APPL1: variants seen among roughly 807,000 people sequenced by gnomAD.
APPL1 encodes DCC-interacting protein 13-alpha.
In APPL1, 42 loss-of-function variants were observed where a neutral mutation model predicts 106.8. That is an observed-to-expected ratio of 0.39 (90% CI 0.31 to 0.51). The LOEUF is 0.51. Among genes scored for constraint, APPL1 ranks in the 20% least tolerant of loss-of-function variants. The probability of loss-of-function intolerance (pLI) is 0.75; values close to 1 mark genes in which losing one functional copy is unlikely to be tolerated. For missense variants in APPL1, 769 were observed against 858.2 expected (o/e 0.90, Z 1.30); for synonymous variants, 263 against 281.8 (o/e 0.93, Z 0.67).
Position 57,270,961 on chromosome 3 carries a change from GTAATCACTTT to G in APPL1, c.*1278_*1287del, listed in dbSNP as rs1429820198. 2 of 151,828 alleles carry G rather than the reference GTAATCACTTT, an allele frequency of 1.3e-5. No homozygotes were observed. Among genetic ancestry groups the G allele is most frequent in the African/African-American group, 4.8e-5 (2 of 41,318 alleles). 9.4% of individuals were successfully genotyped at this position (151,828 alleles called of 1,614,324 possible). On this transcript the variant is annotated 3_prime_UTR_variant, in exon 22 of 22. Coordinates refer to ENST00000288266, the MANE Select transcript of APPL1 (RefSeq NM_012096.3). Reference sequence around the variant, plus strand: ...TATGTTAAACCTTAATTTTTTTTCTGTAATCACTTTTAACACTGCTAATAGAAATTATGTT... The same window carrying G: ...TATGTTAAACCTTAATTTTTTTTCTGTAACACTGCTAATAGAAATTATGTT...
chr3:57,244,824 A>G (rs879877152), intron 7 of APPL1, among the ~76,000 whole-genome samples: 3 of 152,214 alleles, frequency 2.0e-5, no homozygotes, highest in Non-Finnish European at 4.4e-5. Flanking sequence ...AGTGAAAGGA[A>G]TTGGAATAGT....
At chr3:57,253,816 A>G (rs1285206501) in intron 13 of APPL1, 78 bp downstream of exon 13, 1 of 1,208,052 alleles carries the variant, frequency 8.3e-7, no homozygotes, top group African/African-American at 1.6e-5. Context: ...ATTAATTCAT[A>G]ATTTCTCAGG....
At chr3:57,230,037 G>A (rs1189555317) in intron 1 of APPL1, among the ~76,000 whole-genome samples, 15 of 152,140 alleles carry the variant, frequency 9.9e-5, no homozygotes, top group Admixed American at 9.2e-4. Flanking sequence ...TTTTAATGAA[G>A]TAGACACATT....
intron 20 of APPL1, 55 bp from the exon 21 acceptor site, chr3:57,268,343 A>C: frequency 6.9e-7 from 1 of 1,444,510 alleles, no homozygotes; most frequent in Non-Finnish European, 9.3e-7. Flanking sequence ...TGAAATGTCT[A>C]AAATTTAAAG....
At chr3:57,259,200 A>G in intron 16 of APPL1, 120 bp downstream of exon 16, 3 of 767,446 alleles carry the variant, frequency 3.9e-6, no homozygotes, top group Non-Finnish European at 4.1e-6. Context: ...TTACTTCAGA[A>G]TTTCCTCTAC....
chr3:57,266,713 T>C (rs911270566), intron 19 of APPL1, among the ~76,000 whole-genome samples: 1 of 152,218 alleles, frequency 6.6e-6, no homozygotes, highest in African/African-American at 2.4e-5. Context: ...TGTAGTATTT[T>C]TATAGTTTTG....
chr3:57,231,011 C>T (rs2060683830), intron 1 of APPL1, among the ~76,000 whole-genome samples: 1 of 151,058 alleles, frequency 6.6e-6, no homozygotes, highest in Non-Finnish European at 1.5e-5. Flanking sequence ...GATTCTGCTT[C>T]CTCAGCCTCC....
At chr3:57,238,645 C>T (rs1486697338) in intron 4 of APPL1, among the ~76,000 whole-genome samples, 1 of 152,134 alleles carries the variant, frequency 6.6e-6, no homozygotes, top group East Asian at 1.9e-4. Flanking sequence ...TCACATGGAC[C>T]ATTCGATAGT....
intron 19 of APPL1, among the ~76,000 whole-genome samples, chr3:57,267,085 A>G (rs2060898428): frequency 6.6e-6 from 1 of 152,216 alleles, no homozygotes; most frequent in Admixed American, 6.5e-5. Flanking sequence ...CATTGAACCT[A>G]TAGATTGCTT....
At chr3:57,266,768 G>T (rs1217821347) in intron 19 of APPL1, among the ~76,000 whole-genome samples, 1 of 152,094 alleles carries the variant, frequency 6.6e-6, no homozygotes, top group Non-Finnish European at 1.5e-5. Flanking sequence ...TGATTTTTGT[G>T]TATGGTGAGA....
chr3:57,254,759 G>A (rs1013431740), intron 13 of APPL1, among the ~76,000 whole-genome samples: 4 of 152,114 alleles, frequency 2.6e-5, no homozygotes, highest in Non-Finnish European at 5.9e-5. Flanking sequence ...TGAGTGGCTG[G>A]GACTACAGGC....
Position 57,248,192 on chromosome 3 carries a change from G to T in APPL1, c.705-1G>T, listed in dbSNP as rs780943553. Reference sequence around the variant, plus strand: ...GTAGCAAATAATCTGTTCTGTGTCAGTGTTCGCAGGGAAATGGACAGTGAT... The same window carrying T: ...GTAGCAAATAATCTGTTCTGTGTCATTGTTCGCAGGGAAATGGACAGTGAT... On this transcript the variant is annotated splice_acceptor_variant, in intron 9 of 21. Transcript: ENST00000288266. LOFTEE classifies it high-confidence loss of function. 3 of 1,611,768 alleles carry T rather than the reference G, an allele frequency of 1.9e-6. No homozygotes were observed. Among genetic ancestry groups the T allele is most frequent in the Non-Finnish European group, 2.5e-6 (3 of 1,178,774 alleles).
rs2060883997 is a variant in APPL1 at position 57,264,528 on chromosome 3, G to A, written c.1843-3214G>A. Among the ~76,000 whole-genome samples, 4 of 149,384 alleles carry A rather than the reference G, an allele frequency of 2.7e-5. No homozygotes were observed. The South Asian group carries it at 8.4e-4, about 31-fold the overall frequency. Reference sequence around the variant, plus strand: ...TCATAGTTCAAGGTCTTAGATTTAAGGCTTTAATCCATTTTAATTATATTT... The same window carrying A: ...TCATAGTTCAAGGTCTTAGATTTAAAGCTTTAATCCATTTTAATTATATTT... On this transcript the variant is annotated intron_variant, in intron 19 of 21. Transcript: ENST00000288266.
In APPL1 at chr3:57,249,634, A is replaced by G. The variant is rs1579391399; in HGVS notation, c.1052+86A>G. 7.1e-6 allele frequency: 9 copies of G among 1,269,516 alleles called. No homozygotes were observed. In the East Asian group the frequency reaches 2.4e-4, roughly 34 times the overall value. 78.6% of individuals were successfully genotyped at this position (1,269,516 alleles called of 1,614,324 possible). ...TAATTCCTTTTTGTTTAGAAATTTT[A>G]TGGACATTTTAGGTTCATTATGTAT... is the stretch of plus-strand genomic sequence containing the variant. On this transcript the variant is annotated intron_variant, in intron 11 of 21. Transcript: ENST00000288266.
At chr3:57,258,967 TTTC>T (rs2060851174) in intron 15 of APPL1, 58 bp from the exon 16 acceptor site, 1 of 1,265,936 alleles carries the variant, frequency 7.9e-7, no homozygotes, top group Non-Finnish European at 1.1e-6. Flanking sequence ...AATAATTAGA[TTTC>T]TTCTATGTGG....
chr3:57,243,100 TC>T (rs1403594880), intron 7 of APPL1, among the ~76,000 whole-genome samples, 186 bp downstream of exon 7: 2 of 152,320 alleles, frequency 1.3e-5, no homozygotes, highest in Admixed American at 1.3e-4. Flanking sequence ...CAAAATATTT[TC>T]TTCTGCCAAA....
At position 57,257,393 on chromosome 3, in the gene APPL1, G is replaced by A; in HGVS notation, c.1395G>A (p.Gln465=). 6.2e-7 allele frequency: 1 copy of A among 1,613,838 alleles called. No homozygotes were observed. Residue 465 remains glutamine, a synonymous_variant, in exon 15 of 22, where the codon CAG becomes CAA. Transcript: ENST00000288266. ...FDIISPVCED[Q]PGQAKAFGQG... is the part of the protein sequence containing the mutation. ...TAATTTCTCCTGTGTGTGAAGATCA[G>A]CCTGGCCAGGCAAAAGCCTTTGGCC...
rs2060722963 is a variant in APPL1, at chr3:57,237,523, C to G, written c.185C>G (p.Ser62Ter). 1 of 1,601,936 alleles carries G rather than the reference C, an allele frequency of 6.2e-7. No homozygotes were observed. Among genetic ancestry groups the G allele is most frequent in the Admixed American group, 1.7e-5 (1 of 58,880 alleles). ...TTAAGTGCAGCAACACACCTGACCT[C>G]AAAACTTTTAAAAGAATATGAAAAA... ...NELSAATHLT[S>*]KLLKEYEKQR... Residue 62 changes from serine (S) to a stop codon, truncating the protein, a stop_gained, in exon 3 of 22, where the codon TCA becomes TGA. Transcript: ENST00000288266. LOFTEE classifies it high-confidence loss of function.
intron 21 of APPL1, 26 bp from the exon 22 acceptor site, chr3:57,269,515 A>G: frequency 6.2e-7 from 1 of 1,609,556 alleles, no homozygotes; most frequent in Non-Finnish European, 8.5e-7. Flanking sequence ...CAAGTAACTT[A>G]GTTTCTTTTT....
Sources: allele counts gnomAD v4.1 joint callset (sites outside exome capture counted in the v4.1 genomes callset), GRCh38; gene constraint gnomAD v4.1.1; transcripts MANE v1.5; gene names NCBI Gene and HGNC (gene_info 2026-07-23, HGNC 2026-07-21).